Variants in DPH6 observed in about 807,000 individuals in gnomAD.
DPH6 encodes diphthamine biosynthesis 6.
A neutral mutation model predicts 38.2 loss-of-function variants in DPH6; 33 were observed. The ratio of observed to expected loss-of-function variants is 0.86; its 90% confidence interval spans 0.65 to 1.15. The LOEUF (loss-of-function observed/expected upper bound fraction) is 1.15, where lower values mean the gene tolerates loss of function less well. Ranked by LOEUF, DPH6 falls within the 50% of genes most tolerant of loss-of-function variation. The probability of loss-of-function intolerance (pLI) is 0.00; values close to 1 mark genes in which losing one functional copy is unlikely to be tolerated. For missense variants in DPH6, 325 were observed against 320.0 expected (o/e 1.02, Z -0.12); for synonymous variants, 108 against 103.0 (o/e 1.05, Z -0.30).
downstream of DPH6, among the ~76,000 whole-genome samples, chr15:35,370,205 T>C (rs962548230): frequency 6.6e-6 from 1 of 151,760 alleles, no homozygotes. Context: ...ATTCAGAATG[T>C]ATCACAAACA....
At chr15:35,396,935 T>A (rs2140969524) in intron 6 of DPH6, among the ~76,000 whole-genome samples, 1 of 152,326 alleles carries the variant, frequency 6.6e-6, no homozygotes, top group South Asian at 2.1e-4. Context: ...GTTTTTTAAG[T>A]AATAGGTAAC....
intron 5 of DPH6, among the ~76,000 whole-genome samples, chr15:35,436,509 C>CAAAAAAAAAAAAAAAAAAAAA (rs1491101707): frequency 9.3e-6 from 1 of 107,592 alleles, no homozygotes; most frequent in African/African-American, 4.2e-5. Flanking sequence ...CAAAACAAAA[C>CAAAAAAAAAAAAAAAAAAAAA]AAAACAAAAA....
the DPH6 span, among the ~76,000 whole-genome samples, chr15:35,210,331 T>C: frequency 6.6e-6 from 1 of 152,196 alleles, no homozygotes; most frequent in Admixed American, 6.5e-5. Context: ...ATATCTATTA[T>C]ATAGAGTTTA....
At chr15:35,541,858 A>G (rs1462498732) in intron 2 of DPH6, among the ~76,000 whole-genome samples, 2 of 152,154 alleles carry the variant, frequency 1.3e-5, no homozygotes, top group African/African-American at 4.8e-5. Flanking sequence ...TCTGTGAATT[A>G]TATGTGGATG....
intron 7 of DPH6, among the ~76,000 whole-genome samples, chr15:35,376,575 T>C (rs115228696): frequency 0.031 from 4,740 of 152,220 alleles, 256 homozygotes; most frequent in African/African-American, 0.11. Context: ...TGTACAGTAA[T>C]GTCCTAGGCC....
intron 3 of DPH6, among the ~76,000 whole-genome samples, chr15:35,341,184 T>C (rs764338228): frequency 1.6e-4 from 24 of 152,208 alleles, no homozygotes; most frequent in Non-Finnish European, 2.8e-4. Context: ...ATACTTGTGA[T>C]TGCATTGTGT....
intron 3 of DPH6, among the ~76,000 whole-genome samples, chr15:35,498,317 A>C (rs2054582987): frequency 1.3e-5 from 2 of 152,174 alleles, no homozygotes; most frequent in African/African-American, 4.8e-5. Context: ...TCATCAGCTT[A>C]TACTGGTACT....
intron 3 of DPH6, among the ~76,000 whole-genome samples, chr15:35,478,587 T>C (rs980674382): frequency 5.3e-5 from 8 of 151,958 alleles, no homozygotes. Context: ...TTCAATATCA[T>C]TAATCTGCAC....
chr15:35,500,077 A>G (rs2054606515), intron 3 of DPH6, among the ~76,000 whole-genome samples: 1 of 152,212 alleles, frequency 6.6e-6, no homozygotes, highest in Admixed American at 6.5e-5. Flanking sequence ...GTTTACTCCT[A>G]TCATGAATGA....
intron 3 of DPH6, among the ~76,000 whole-genome samples, chr15:35,269,726 C>A (rs2051809621): frequency 6.6e-6 from 1 of 150,696 alleles, no homozygotes; most frequent in East Asian, 2.0e-4. Flanking sequence ...GCGCAGCCAC[C>A]GCGCCCGGCC....
In DPH6 at chr15:35,356,076, C is replaced by T. The variant is rs111425929; in HGVS notation, n.207+17445G>A. On this transcript the variant is annotated intron_variant and non_coding_transcript_variant, in intron 3 of 3. Coordinates refer to the DPH6 transcript ENST00000558973. ...TACCCTTTCTTCCAGTTGATCGAAT[C>T]GGTATTGAAGCTTGTGTATTCGTCA... Among the ~76,000 whole-genome samples the T allele has an allele frequency of 3.4e-3, 518 of 152,262 alleles. 2 individuals are homozygous for T. Among genetic ancestry groups the T allele is most frequent in the African/African-American group, 0.012 (478 of 41,546 alleles).
intron 3 of DPH6, among the ~76,000 whole-genome samples, chr15:35,487,622 T>C (rs917853510): frequency 6.6e-6 from 1 of 152,244 alleles, no homozygotes; most frequent in Non-Finnish European, 1.5e-5. Flanking sequence ...CAAAACCATT[T>C]TTCCCTCCTC....
At chr15:35,338,501 A>T (rs925672638) in intron 3 of DPH6, among the ~76,000 whole-genome samples, 10 of 152,236 alleles carry the variant, frequency 6.6e-5, no homozygotes, top group South Asian at 2.1e-4. Context: ...CACACCAGTT[A>T]GAATGGCAAT....
At chr15:35,179,192 G>T in the DPH6 span, among the ~76,000 whole-genome samples, 1 of 100,062 alleles carries the variant, frequency 1.0e-5, no homozygotes, top group African/African-American at 4.0e-5. Context: ...TGCAACAAGA[G>T]CACAACTCTG....
chr15:35,403,016 T>C (rs1426488441), intron 6 of DPH6, among the ~76,000 whole-genome samples: 1 of 152,102 alleles, frequency 6.6e-6, no homozygotes, highest in East Asian at 1.9e-4. Flanking sequence ...AAAGTATACT[T>C]AATTATGTAG....
At chr15:35,446,350 C>G (rs1329887886) in intron 5 of DPH6, among the ~76,000 whole-genome samples, 1 of 151,450 alleles carries the variant, frequency 6.6e-6, no homozygotes, top group East Asian at 1.9e-4. Context: ...CCCGCCTCAG[C>G]CTCCCAAGTA....
In DPH6 at chr15:35,384,906, A is replaced by G. The variant is rs111433515; in HGVS notation, c.568-2990T>C. Among the ~76,000 whole-genome samples the G allele has an allele frequency of 5.1e-3, 784 of 152,296 alleles. 4 individuals are homozygous for G. Among genetic ancestry groups the G allele is most frequent in the African/African-American group, 0.012 (497 of 41,556 alleles). ...GGCTAATATCCAGAATCTACAAGGA[A>G]CTTAAACAAATTTACAAGAAAAAAA... On this transcript the variant is annotated intron_variant, in intron 6 of 8. Coordinates refer to ENST00000256538, the MANE Select transcript of DPH6 (RefSeq NM_080650.4).
Position 35,264,003 on chromosome 15 carries a change from G to A in DPH6, n.201-43421C>T, listed in dbSNP as rs1280421167. 1.3e-4 allele frequency among the ~76,000 whole-genome samples: 20 copies of A among 151,882 alleles called. 2 individuals carry two copies. Among genetic ancestry groups the A allele is most frequent in the Admixed American group, 1.3e-3 (20 of 15,236 alleles). Reference sequence around the variant, plus strand: ...GCTAGGATTACAGGCGTGAGCCACCGCGCCCAACATAGTTTATAATTTTTA... The same window carrying A: ...GCTAGGATTACAGGCGTGAGCCACCACGCCCAACATAGTTTATAATTTTTA... On this transcript the variant is annotated intron_variant and non_coding_transcript_variant, in intron 3 of 3. Coordinates refer to the DPH6 transcript ENST00000560386.
the DPH6 span, among the ~76,000 whole-genome samples, chr15:35,188,254 A>T: frequency 6.6e-6 from 1 of 152,190 alleles, no homozygotes; most frequent in African/African-American, 2.4e-5. Context: ...ACCTATGCAC[A>T]CTAAGAGGCA....
Sources: gnomAD v4.1 joint callset for allele counts (sites outside exome capture counted in the v4.1 genomes callset) on GRCh38, gnomAD v4.1.1 for gene constraint, MANE v1.5 for transcripts, NCBI Gene and HGNC (gene_info 2026-07-23, HGNC 2026-07-21) for gene names.